The following SKA3 variants were observed in gnomAD, a reference collection of about 807,000 sequenced individuals.
The protein encoded by SKA3 is spindle and kinetochore-associated protein 3.
SKA3 carries 39 observed loss-of-function variants against 44.2 expected under a neutral mutation model. The ratio of observed to expected loss-of-function variants is 0.88; its 90% CI spans 0.68 to 1.15. SKA3 has a LOEUF of 1.15. SKA3 is among the 50% of genes most tolerant of loss of function. SKA3 has a pLI of 0.00. For synonymous variants in SKA3, 192 were observed against 172.0 expected (o/e 1.12, Z -0.91); for missense variants, 511 against 485.8 (o/e 1.05, Z -0.49).
Position 21,155,807 on chromosome 13 carries a change from A to C in SKA3, c.1124T>G (p.Leu375Ter). The change falls in exon 8 of 9, where the codon TTA (leucine) becomes TGA (stop). Residue 375 changes from leucine (L) to a stop codon, truncating the protein, a stop_gained. Transcript: ENST00000314759. LOFTEE classifies it high-confidence loss of function. ...AGCTAGGTTTGAGTTGTATTTTGATAAAAGCTAAAAAAAAAAAAGGAAATT... is the reference window on the plus strand; with the variant it reads ...AGCTAGGTTTGAGTTGTATTTTGATCAAAGCTAAAAAAAAAAAAGGAAATT... ...TKIPEDILQL[L>*]SKYNSNLATP... 7.2e-7 allele frequency: 1 copy of C among 1,396,930 alleles called. No homozygotes were observed. Among genetic ancestry groups the C allele is most frequent in the Non-Finnish European group, 9.7e-7 (1 of 1,034,156 alleles). The allele number at this position is 1,396,930 out of a possible 1,614,324, so 86.5% of individuals were successfully genotyped here.
intron 4 of SKA3, among the ~76,000 whole-genome samples, chr13:21,164,584 CTG>C (rs1870606594): frequency 6.6e-6 from 1 of 152,160 alleles, no homozygotes; most frequent in Admixed American, 6.6e-5. Context: ...ATAGACAAAA[CTG>C]TTTTTAAAAT....
rs750147004 is a variant in SKA3, at chr13:21,176,348, C to T, written c.103+27G>A. ...TCCGCCCGCGGCGCACCCCACGCAC[C>T]GTGCCCTGGCCGCCCGCCTCACGCA... is the stretch of plus-strand genomic sequence containing the variant. On this transcript the variant is annotated intron_variant, in intron 1 of 8. Transcript: ENST00000314759. 3.9e-5 allele frequency: 47 copies of T among 1,215,984 alleles called. No homozygotes were observed. The South Asian group carries it at 4.8e-4, about 13-fold the overall frequency. The allele number at this position is 1,215,984 out of a possible 1,614,324, so 75.3% of individuals were successfully genotyped here. A position where few individuals can be genotyped will look rare whatever the true frequency, so the allele number is the denominator to read the frequency against.
At chr13:21,155,268 AC>A (rs1870047406) in intron 8 of SKA3, 118 bp from the exon 9 acceptor site, 1 of 785,778 alleles carries the variant, frequency 1.3e-6, no homozygotes, top group Admixed American at 2.7e-5. Flanking sequence ...ATAGATTCCC[AC>A]TGATATCATT....
chr13:21,154,905 G>C lies in SKA3; in HGVS notation c.*245C>G. On this transcript the variant is annotated 3_prime_UTR_variant, in exon 9 of 9. Coordinates refer to ENST00000314759, the MANE Select transcript of SKA3 (RefSeq NM_145061.6). Reference sequence around the variant, plus strand: ...TCTGTTGATTAAGCTGGGTAATTTAGTATCAATGAAACACTAATAATCCTT... The same window carrying C: ...TCTGTTGATTAAGCTGGGTAATTTACTATCAATGAAACACTAATAATCCTT... 1.6e-6 allele frequency: 1 copy of C among 613,028 alleles called. No homozygotes were observed. The highest frequency in any genetic ancestry group is 2.8e-6 in the Non-Finnish European group (1 of 356,628). 38.0% of individuals were successfully genotyped at this position (613,028 alleles called of 1,614,324 possible). A position where few individuals can be genotyped will look rare whatever the true frequency, so the allele number is the denominator to read the frequency against.
chr13:21,170,978 G>A (rs1029043936), intron 3 of SKA3, among the ~76,000 whole-genome samples: 1 of 152,142 alleles, frequency 6.6e-6, no homozygotes. Context: ...GCAGGTTGGA[G>A]TGCAGTGGCG....
At chr13:21,160,359 T>C (rs1226801237) in intron 5 of SKA3, among the ~76,000 whole-genome samples, 1 of 151,692 alleles carries the variant, frequency 6.6e-6, no homozygotes, top group Non-Finnish European at 1.5e-5. Flanking sequence ...ACTCCAAAGG[T>C]ACAGTAGTTA....
chr13:21,161,667 T>C, intron 5 of SKA3, 123 bp downstream of exon 5: 1 of 580,316 alleles, frequency 1.7e-6, no homozygotes, highest in Non-Finnish European at 2.8e-6. Flanking sequence ...CTTAATGTAA[T>C]CCAATGTTAG....
chr13:21,162,272 G>C (rs940791719), intron 4 of SKA3, among the ~76,000 whole-genome samples: 6 of 152,052 alleles, frequency 3.9e-5, no homozygotes, highest in African/African-American at 1.4e-4. Flanking sequence ...GAATATCACT[G>C]AATACAAGAT....
In SKA3 at chr13:21,154,941, T is replaced by C. The variant is rs1171598687; in HGVS notation, c.*209A>G. The C allele has an allele frequency of 1.3e-6, 1 of 764,714 alleles. No homozygotes were observed. Among genetic ancestry groups the C allele is most frequent in the Non-Finnish European group, 2.1e-6 (1 of 472,610 alleles). 47.4% of individuals were successfully genotyped at this position (764,714 alleles called of 1,614,324 possible). On this transcript the variant is annotated 3_prime_UTR_variant, in exon 9 of 9. Transcript: ENST00000314759. ...ACACTAATAATCCTTAAAGAGTGAA[T>C]GACTGGGCTACATGTCAACAAGACT... is the stretch of plus-strand genomic sequence containing the variant.
chr13:21,174,580 A>G (rs9552382), intron 1 of SKA3, among the ~76,000 whole-genome samples: 47,588 of 150,810 alleles, frequency 0.32, 8,192 homozygotes, highest in African/African-American at 0.45. Context: ...TGGGCCTGTC[A>G]TGGGGTGAGG....
intron 3 of SKA3, among the ~76,000 whole-genome samples, chr13:21,170,612 T>C (rs896048355): frequency 2.0e-5 from 3 of 152,260 alleles, no homozygotes; most frequent in African/African-American, 7.2e-5. Flanking sequence ...TTTGGCATTA[T>C]GCTTTCTGTT....
chr13:21,167,975 C>T lies in SKA3; in HGVS notation c.743+13G>A. 1 of 1,126,492 alleles carries T rather than the reference C, an allele frequency of 8.9e-7. No individual in the cohort carries two copies. The highest frequency in any genetic ancestry group is 1.2e-6 in the Non-Finnish European group (1 of 862,860). The allele number at this position is 1,126,492 out of a possible 1,614,324, so 69.8% of individuals were successfully genotyped here. On this transcript the variant is annotated intron_variant, in intron 4 of 8. Transcript: ENST00000314759. ...AAGCTAGATAAAATATGCCTTTTAA[C>T]AGAGCTGCTTACCTTTTATTATTCC... is the stretch of plus-strand genomic sequence containing the variant.
intron 3 of SKA3, among the ~76,000 whole-genome samples, chr13:21,170,780 A>G (rs1870995430): frequency 6.6e-6 from 1 of 152,216 alleles, no homozygotes; most frequent in Non-Finnish European, 1.5e-5. Context: ...AAAGCAACTT[A>G]GAGAAATTAC....
intron 4 of SKA3, among the ~76,000 whole-genome samples, chr13:21,162,490 C>T (rs1384684179): frequency 2.0e-5 from 3 of 151,984 alleles, no homozygotes; most frequent in African/African-American, 4.8e-5. Flanking sequence ...CTAAGCCTCC[C>T]GAGTAGCTGG....
chr13:21,161,128 C>A (rs1870415652), intron 5 of SKA3, among the ~76,000 whole-genome samples: 1 of 151,988 alleles, frequency 6.6e-6, no homozygotes, highest in African/African-American at 2.4e-5. Flanking sequence ...ACAAAAAATA[C>A]AAAAATTAGC....
chr13:21,155,643 G>T, intron 8 of SKA3, 50 bp downstream of exon 8: 1 of 918,176 alleles, frequency 1.1e-6, no homozygotes, highest in Non-Finnish European at 1.6e-6. Context: ...ATTTTTAAAT[G>T]TCCTCCTCAA....
At chr13:21,173,202 T>C (rs145861147) in intron 1 of SKA3, among the ~76,000 whole-genome samples, 259 of 152,234 alleles carry the variant, frequency 1.7e-3, no homozygotes, top group Non-Finnish European at 2.5e-3. Context: ...TTAGTAGAAC[T>C]CTAGAAGCCC....
intron 1 of SKA3, among the ~76,000 whole-genome samples, chr13:21,173,026 C>G (rs1382968412): frequency 6.6e-6 from 1 of 152,174 alleles, no homozygotes; most frequent in Non-Finnish European, 1.5e-5. Context: ...CGCACAATAA[C>G]AAAATTGCCT....
Position 21,172,486 on chromosome 13 carries a change from G to A in SKA3, c.184C>T (p.Leu62Phe), listed in dbSNP as rs1871117419. ...QTLKDDVNIL[L>F]DKARLENQEG... is the part of the protein sequence containing the mutation. The stretch of plus-strand genomic sequence containing the variant: ...TGATTTTCCAATCTTGCTTTATCAA[G>A]AAGAATATTAACATCATCCTTTTAT... The change falls in exon 3 of 9, where the codon CTT (leucine) becomes TTT (phenylalanine). Residue 62 changes from leucine (L) to phenylalanine (F), a missense_variant. Transcript: ENST00000314759. 1 of 1,587,206 alleles carries A rather than the reference G, an allele frequency of 6.3e-7. No homozygotes were observed. The highest frequency in any genetic ancestry group is 1.4e-5 in the African/African-American group (1 of 73,264).
Sources: gnomAD v4.1 joint callset for allele counts (sites outside exome capture counted in the v4.1 genomes callset) on GRCh38, gnomAD v4.1.1 for gene constraint, MANE v1.5 for transcripts, NCBI Gene and HGNC (gene_info 2026-07-23, HGNC 2026-07-21) for gene names.